The following PDCL2 variants were observed in gnomAD, a reference collection of about 807,000 sequenced individuals.
PDCL2 encodes phosducin-like protein 2.
PDCL2 carries 23 observed loss-of-function variants against 30.3 expected under a neutral mutation model. The ratio of observed to expected loss-of-function variants is 0.76; its 90% CI spans 0.55 to 1.08. The LOEUF (loss-of-function observed/expected upper bound fraction) is 1.08, where lower values mean the gene tolerates loss of function less well. PDCL2 is among the 50% of genes least tolerant of loss of function. The pLI, the probability that PDCL2 is intolerant of heterozygous loss-of-function variation, is 0.00. For missense variants in PDCL2, 243 were observed against 282.3 expected (o/e 0.86, Z 1.00); for synonymous variants, 68 against 86.2 (o/e 0.79, Z 1.17).
At chr4:55,558,065 G>T (rs1732022926) in intron 5 of PDCL2, among the ~76,000 whole-genome samples, 1 of 151,182 alleles carries the variant, frequency 6.6e-6, no homozygotes, top group African/African-American at 2.4e-5. Context: ...AGGTTGTAGT[G>T]GGCCGAGATC....
rs190810622 is a variant in PDCL2, at chr4:55,569,723, T to G, written c.357A>C (p.Arg119Ser). The change falls in exon 4 of 6, where the codon AGA becomes AGC. Residue 119 changes from arginine (R) to serine (S), a missense_variant. By Grantham distance (110) the Arg-to-Ser change is moderately radical. Coordinates refer to ENST00000295645, the MANE Select transcript of PDCL2 (RefSeq NM_152401.3). ...EDVWVIIHLY[R>S]SSIPMCLLVN... The stretch of plus-strand genomic sequence containing the variant: ...TGAAATATTATGGTAATTACCTTGA[T>G]CTGTATAGATGAATTATAACCCACA... 115 of 1,533,930 alleles carry G rather than the reference T, an allele frequency of 7.5e-5. No individual in the cohort carries two copies. The African/African-American group carries it at 1.4e-3, about 19-fold the overall frequency.
At chr4:55,589,345 A>C (rs1732941782) in intron 1 of PDCL2, among the ~76,000 whole-genome samples, 1 of 152,138 alleles carries the variant, frequency 6.6e-6, no homozygotes. Context: ...AACTAAAGAC[A>C]TCTTCCTCTA....
In PDCL2 at chr4:55,562,440, T is replaced by C; in HGVS notation, c.535A>G (p.Ile179Val). 1.3e-6 allele frequency: 2 copies of C among 1,497,296 alleles called. No individual in the cohort carries two copies. Among genetic ancestry groups the C allele is most frequent in the Non-Finnish European group, 1.8e-6 (2 of 1,122,978 alleles). The allele number at this position is 1,497,296 out of a possible 1,614,324, so 92.8% of individuals were successfully genotyped here. A position where few individuals can be genotyped will look rare whatever the true frequency, so the allele number is the denominator to read the frequency against. The change falls in exon 5 of 6, where the codon ATT becomes GTT. Residue 179 changes from isoleucine (I) to valine (V), a missense_variant. Transcript: ENST00000295645. ...NGQIEAKFIGIIECGGINLKL... is the reference protein window; with the variant it reads ...NGQIEAKFIGVIECGGINLKL... ...AGATTTATCCCTCCACATTCTATAA[T>C]TCCAATGAATTTGGCTTCTATCTGA... is the stretch of plus-strand genomic sequence containing the variant.
At chr4:55,590,965 A>C (rs1732982737) in intron 1 of PDCL2, among the ~76,000 whole-genome samples, 1 of 152,216 alleles carries the variant, frequency 6.6e-6, no homozygotes, top group African/African-American at 2.4e-5. Flanking sequence ...CTGTTGAATT[A>C]ATCAGTAAAC....
Position 55,592,162 on chromosome 4 carries a change from G to C in PDCL2, c.-53C>G, listed in dbSNP as rs1434039200. ...CGCGTCGTCCTGCAGCTGGCGAGGC[G>C]CCACGGATGGAGACCCGCAGCCTTC... On this transcript the variant is annotated 5_prime_UTR_variant, in exon 1 of 6. Transcript: ENST00000295645. 2 of 1,598,404 alleles carry C rather than the reference G, an allele frequency of 1.3e-6. No homozygotes were observed. Among genetic ancestry groups the C allele is most frequent in the African/African-American group, 2.7e-5 (2 of 74,366 alleles).
At chr4:55,580,744 C>A in intron 3 of PDCL2, 77 bp downstream of exon 3, 1 of 1,048,506 alleles carries the variant, frequency 9.5e-7, no homozygotes, top group South Asian at 2.2e-5. Flanking sequence ...ATCTATGTGA[C>A]AAGACAAATC....
chr4:55,579,224 C>T (rs533984039), intron 3 of PDCL2, among the ~76,000 whole-genome samples: 66 of 150,674 alleles, frequency 4.4e-4, no homozygotes, highest in African/African-American at 1.5e-3. Context: ...ACATAAGATG[C>T]TTCATATTCA....
chr4:55,577,781 G>A (rs778590069), intron 3 of PDCL2, among the ~76,000 whole-genome samples: 2 of 152,120 alleles, frequency 1.3e-5, no homozygotes, highest in Admixed American at 6.5e-5. Context: ...GCATCCGTAA[G>A]ATAGTTGTCT....
intron 3 of PDCL2, among the ~76,000 whole-genome samples, chr4:55,576,974 T>A (rs1037459669): frequency 3.3e-5 from 5 of 151,928 alleles, no homozygotes; most frequent in Admixed American, 3.3e-4. Flanking sequence ...CTCGGCTCAC[T>A]GCAACCTCTG....
At chr4:55,574,279 G>C (rs1039403415) in intron 3 of PDCL2, among the ~76,000 whole-genome samples, 7 of 152,078 alleles carry the variant, frequency 4.6e-5, no homozygotes, top group Non-Finnish European at 1.0e-4. Context: ...GACAGGTAGG[G>C]TGATCATCAT....
intron 3 of PDCL2, among the ~76,000 whole-genome samples, chr4:55,571,544 G>A (rs67238811): frequency 0.67 from 62,498 of 93,090 alleles, 21,539 homozygotes; most frequent in East Asian, 0.85. Flanking sequence ...AAAATTAGCC[G>A]GGCATGGTGG....
chr4:55,591,244 GT>G lies in PDCL2; in HGVS notation c.6+859del, dbSNP rs202001794. 8.2e-3 allele frequency among the ~76,000 whole-genome samples: 1,251 copies of G among 152,142 alleles called. 22 individuals are homozygous for G. Among genetic ancestry groups the G allele is most frequent in the African/African-American group, 0.029 (1,193 of 41,478 alleles). On this transcript the variant is annotated intron_variant, in intron 1 of 5. Transcript: ENST00000295645. ...CAGTGGTTTTAATCTGCAGGAGCAG[GT>G]GGGGAAAAGGTGTTTCTGTAAGTTA...
chr4:55,563,405 G>A (rs1037433925), intron 4 of PDCL2, among the ~76,000 whole-genome samples: 4 of 152,126 alleles, frequency 2.6e-5, no homozygotes, highest in African/African-American at 9.7e-5. Context: ...TTTGAGCCGG[G>A]TGCAGTGGCT....
At chr4:55,556,828 T>C (rs1731981911) in intron 5 of PDCL2, 117 bp from the exon 6 acceptor site, 2 of 901,372 alleles carry the variant, frequency 2.2e-6, no homozygotes, top group African/African-American at 3.6e-5. Flanking sequence ...GATATATTTA[T>C]TTATAGGTTT....
At chr4:55,583,064 C>T (rs887966475) in intron 1 of PDCL2, among the ~76,000 whole-genome samples, 3 of 152,132 alleles carry the variant, frequency 2.0e-5, no homozygotes, top group Non-Finnish European at 2.9e-5. Context: ...CAACCTCCAC[C>T]TCCTGGGTTC....
chr4:55,575,868 T>A (rs1342567886), intron 3 of PDCL2, among the ~76,000 whole-genome samples: 1 of 151,954 alleles, frequency 6.6e-6, no homozygotes, highest in Non-Finnish European at 1.5e-5. Context: ...ATTCCTAGAT[T>A]TAAAAAATAA....
chr4:55,587,915 T>C (rs1732904011), intron 1 of PDCL2, among the ~76,000 whole-genome samples: 1 of 142,036 alleles, frequency 7.0e-6, no homozygotes, highest in East Asian at 2.5e-4. Flanking sequence ...TTAAATTTGG[T>C]AAAGTACAAT....
intron 3 of PDCL2, among the ~76,000 whole-genome samples, chr4:55,578,062 G>T (rs1376301190): frequency 1.3e-5 from 2 of 152,154 alleles, no homozygotes; most frequent in African/African-American, 4.8e-5. Context: ...GGTCTTCTCA[G>T]GTATTTTTTG....
intron 1 of PDCL2, among the ~76,000 whole-genome samples, chr4:55,583,360 A>G (rs1195160029): frequency 6.6e-6 from 1 of 152,222 alleles, no homozygotes; most frequent in African/African-American, 2.4e-5. Flanking sequence ...TTCCCAATAT[A>G]TAGATTGTCT....
Sources: gnomAD v4.1 joint callset for allele counts (sites outside exome capture counted in the v4.1 genomes callset) on GRCh38, gnomAD v4.1.1 for gene constraint, MANE v1.5 for transcripts, NCBI Gene and HGNC (gene_info 2026-07-23, HGNC 2026-07-21) for gene names.